AP4E1: variants seen among roughly 807,000 people sequenced by gnomAD.
AP4E1 encodes the protein AP-4 complex subunit epsilon-1.
In AP4E1, 56 loss-of-function variants were observed where a neutral mutation model predicts 128.2. That is an observed-to-expected ratio of 0.44 (90% CI 0.35 to 0.55). AP4E1 has a LOEUF of 0.55. AP4E1 is among the 20% of genes least tolerant of loss of function. AP4E1 has a pLI of 0.00. For missense variants in AP4E1, 1,324 were observed against 1,307.7 expected, an observed-to-expected ratio of 1.01 and a Z score of -0.19; for synonymous variants, 484 against 473.1, an observed-to-expected ratio of 1.02 and a Z score of -0.30.
intron 8 of AP4E1, among the ~76,000 whole-genome samples, chr15:50,939,423 C>G (rs1374135955): frequency 6.7e-6 from 1 of 148,824 alleles, no homozygotes; most frequent in Non-Finnish European, 1.5e-5. Flanking sequence ...CAGACTGCAT[C>G]TCAAAAAAAA....
At chr15:50,965,381 T>C (rs2064378431) in intron 14 of AP4E1, among the ~76,000 whole-genome samples, 1 of 152,154 alleles carries the variant, frequency 6.6e-6, no homozygotes, top group South Asian at 2.1e-4. Flanking sequence ...AGTGGCAGGA[T>C]TGGGTGTGCC....
chr15:50,910,225 C>T (rs1463881254), intron 1 of AP4E1, among the ~76,000 whole-genome samples: 3 of 152,182 alleles, frequency 2.0e-5, no homozygotes, highest in African/African-American at 4.8e-5. Flanking sequence ...CTCAAGTGTT[C>T]GCTCACTTCG....
intron 3 of AP4E1, among the ~76,000 whole-genome samples, chr15:50,918,306 A>C (rs1363367565): frequency 1.3e-5 from 2 of 152,086 alleles, no homozygotes; most frequent in Non-Finnish European, 2.9e-5. Flanking sequence ...TAAATATTGC[A>C]TGGGTAGAAT....
intron 14 of AP4E1, among the ~76,000 whole-genome samples, chr15:50,967,354 A>G (rs1171890059): frequency 1.3e-5 from 2 of 152,220 alleles, no homozygotes; most frequent in South Asian, 2.1e-4. Flanking sequence ...TATAATCACA[A>G]GGATCCTTAC....
In AP4E1 at chr15:50,977,299, G is replaced by T. The variant is rs368088856; in HGVS notation, c.1967-6723G>T. On this transcript the variant is annotated intron_variant, in intron 15 of 20. Transcript: ENST00000261842. ...GATATAATAGGGAGACTATTTCCTG[G>T]CACTGCCTATTTTGTTTCTTAAAAT... Among the ~76,000 whole-genome samples the T allele has an allele frequency of 6.6e-5, 10 of 152,118 alleles. No homozygotes were observed. The East Asian group carries it at 1.3e-3, about 20-fold the overall frequency.
chr15:50,970,405 A>G (rs1039123430), intron 15 of AP4E1, among the ~76,000 whole-genome samples: 1 of 152,206 alleles, frequency 6.6e-6, no homozygotes, highest in Non-Finnish European at 1.5e-5. Flanking sequence ...TACTTTGAAT[A>G]GTGCTCTGCA....
chr15:50,972,804 GA>G (rs1434055733), intron 15 of AP4E1, among the ~76,000 whole-genome samples: 2 of 152,188 alleles, frequency 1.3e-5, no homozygotes, highest in Non-Finnish European at 2.9e-5. Flanking sequence ...TTAGGCTCAT[GA>G]TGTGGGTGCA....
chr15:50,980,244 A>G (rs1025219710), intron 15 of AP4E1, among the ~76,000 whole-genome samples: 3 of 152,228 alleles, frequency 2.0e-5, no homozygotes, highest in African/African-American at 7.2e-5. Flanking sequence ...AAACTGGAGT[A>G]AGGCCATCTT....
At chr15:50,982,171 A>G (rs1289643303) in intron 15 of AP4E1, among the ~76,000 whole-genome samples, 1 of 148,134 alleles carries the variant, frequency 6.8e-6, no homozygotes, top group East Asian at 2.1e-4. Context: ...TCACCATGGG[A>G]TGATGCAGCA....
At chr15:50,950,717 C>T (rs1290359395) in intron 13 of AP4E1, among the ~76,000 whole-genome samples, 1 of 152,084 alleles carries the variant, frequency 6.6e-6, no homozygotes, top group Admixed American at 6.6e-5. Flanking sequence ...ATTAACACAT[C>T]ACCTAGGTAT....
At chr15:50,965,742 G>A (rs900110077) in intron 14 of AP4E1, among the ~76,000 whole-genome samples, 1 of 152,008 alleles carries the variant, frequency 6.6e-6, no homozygotes, top group African/African-American at 2.4e-5. Context: ...CAAAAAAGTG[G>A]TTTTCCCTTT....
intron 2 of AP4E1, among the ~76,000 whole-genome samples, chr15:50,912,587 G>A (rs994068231): frequency 6.6e-6 from 1 of 151,910 alleles, no homozygotes; most frequent in Non-Finnish European, 1.5e-5. Context: ...ACTATTTAAT[G>A]AATGGTCATT....
intron 15 of AP4E1, among the ~76,000 whole-genome samples, chr15:50,972,795 T>G (rs2064498582): frequency 6.6e-6 from 1 of 152,106 alleles, no homozygotes; most frequent in African/African-American, 2.4e-5. Flanking sequence ...GGCTGTTTCT[T>G]AGGCTCATGA....
At chr15:50,966,816 C>T (rs572254579) in intron 14 of AP4E1, among the ~76,000 whole-genome samples, 8 of 152,278 alleles carry the variant, frequency 5.3e-5, no homozygotes, top group South Asian at 2.1e-4. Context: ...GGATTACAGG[C>T]GTGAGCCACC....
At chr15:50,996,375 T>A (rs924934577) in intron 17 of AP4E1, among the ~76,000 whole-genome samples, 2 of 152,032 alleles carry the variant, frequency 1.3e-5, no homozygotes, top group Non-Finnish European at 2.9e-5. Flanking sequence ...CTATCGAAAA[T>A]AACTACAGTA....
At chr15:50,947,961 A>C in intron 10 of AP4E1, 59 bp from the exon 11 acceptor site, 90 of 1,204,744 alleles carry the variant, frequency 7.5e-5, no homozygotes, top group Non-Finnish European at 9.8e-5. Flanking sequence ...ATGTTACTGT[A>C]CTCATTGGTG....
chr15:50,986,253 A>G (rs1402204468), intron 16 of AP4E1, among the ~76,000 whole-genome samples: 1 of 152,166 alleles, frequency 6.6e-6, no homozygotes, highest in African/African-American at 2.4e-5. Context: ...TCATCTGCAA[A>G]CAGGGACAAT....
In AP4E1 at chr15:51,002,613, T is replaced by C. The variant is rs2140941227; in HGVS notation, c.3365T>C (p.Leu1122Pro). The C allele has an allele frequency of 1.2e-6, 2 of 1,614,214 alleles. No individual in the cohort carries two copies. Among genetic ancestry groups the C allele is most frequent in the Non-Finnish European group, 1.7e-6 (2 of 1,180,010 alleles). Reference protein sequence around the residue: ...ALWFRSSCSTLPDYLLYQCQK... With the variant: ...ALWFRSSCSTPPDYLLYQCQK... ...TGGTTCAGATCCTCCTGTTCTACTCTTCCTGACTATTTACTGTATCAGTGT... is the reference window on the plus strand; with the variant it reads ...TGGTTCAGATCCTCCTGTTCTACTCCTCCTGACTATTTACTGTATCAGTGT... Residue 1122 changes from leucine to proline, a missense_variant, in exon 21 of 21, where the codon CTT (leucine) becomes CCT (proline). Physicochemically the swap from Leu to Pro is moderately conservative, Grantham distance 98. Coordinates refer to ENST00000261842, the MANE Select transcript of AP4E1 (RefSeq NM_007347.5).
intron 15 of AP4E1, among the ~76,000 whole-genome samples, chr15:50,979,678 CCAT>C (rs2064611876): frequency 6.6e-6 from 1 of 152,250 alleles, no homozygotes; most frequent in East Asian, 1.9e-4. Context: ...GCGTCCACCA[CCAT>C]GTCTGGCTAA....
Sources: allele counts gnomAD v4.1 joint callset (sites outside exome capture counted in the v4.1 genomes callset), GRCh38; gene constraint gnomAD v4.1.1; transcripts MANE v1.5; gene names NCBI Gene and HGNC (gene_info 2026-07-23, HGNC 2026-07-21).